Variants in HLCS observed in about 807,000 individuals in gnomAD.
HLCS encodes the protein holocarboxylase synthetase.
HLCS carries 53 observed loss-of-function variants against 75.0 expected under a neutral mutation model. The ratio of observed to expected loss-of-function variants is 0.71; its 90% confidence interval spans 0.57 to 0.89. The LOEUF is 0.89. HLCS is among the 40% of genes least tolerant of loss of function. The pLI is 0.00. For missense variants in HLCS, 966 were observed against 1,074.0 expected (o/e 0.90, Z 1.41); for synonymous variants, 431 against 428.6 (o/e 1.01, Z -0.07).
At chr21:36,833,514 G>A (rs1310353245) in intron 6 of HLCS, among the ~76,000 whole-genome samples, 1 of 151,278 alleles carries the variant, frequency 6.6e-6, no homozygotes, top group Non-Finnish European at 1.5e-5. Context: ...GAACCTGGGA[G>A]GTGGAGGTTG....
At chr21:36,756,280 T>C (rs749197530) in intron 10 of HLCS, among the ~76,000 whole-genome samples, 3 of 150,714 alleles carry the variant, frequency 2.0e-5, no homozygotes, top group Non-Finnish European at 4.4e-5. Context: ...CCACTAAAAA[T>C]ACAAAAAATT....
intron 6 of HLCS, among the ~76,000 whole-genome samples, chr21:36,853,982 T>G (rs980976164): frequency 2.0e-5 from 3 of 152,182 alleles, no homozygotes; most frequent in African/African-American, 7.2e-5. Context: ...ATTAGTATAT[T>G]GTTCTATGGG....
intron 6 of HLCS, among the ~76,000 whole-genome samples, chr21:36,822,402 C>T (rs2061873318): frequency 6.6e-6 from 1 of 151,884 alleles, no homozygotes; most frequent in Non-Finnish European, 1.5e-5. Flanking sequence ...AGTGACGGAG[C>T]CTGGGTGACG....
intron 6 of HLCS, among the ~76,000 whole-genome samples, chr21:36,770,827 GA>G (rs1256144207): frequency 4.0e-5 from 6 of 151,562 alleles, no homozygotes; most frequent in Non-Finnish European, 8.8e-5. Flanking sequence ...ATTTTTTTTG[GA>G]AAAAAGCATA....
chr21:36,846,263 A>C (rs1382985064), intron 6 of HLCS, among the ~76,000 whole-genome samples: 2 of 152,214 alleles, frequency 1.3e-5, no homozygotes, highest in Admixed American at 6.5e-5. Flanking sequence ...GTTGATACCT[A>C]GCGGCAGTCA....
At chr21:36,940,472 G>A (rs1348587059) in intron 2 of HLCS, among the ~76,000 whole-genome samples, 1 of 151,990 alleles carries the variant, frequency 6.6e-6, no homozygotes, top group Non-Finnish European at 1.5e-5. Context: ...CCACCACACT[G>A]GGCTTGAATT....
At chr21:36,894,031 G>A (rs2064905361) in intron 6 of HLCS, among the ~76,000 whole-genome samples, 1 of 152,182 alleles carries the variant, frequency 6.6e-6, no homozygotes, top group South Asian at 2.1e-4. Context: ...AGGAGGGCCT[G>A]GTGGGAGGTG....
At chr21:36,977,789 G>A (rs1236880502) in intron 1 of HLCS, among the ~76,000 whole-genome samples, 2 of 152,188 alleles carry the variant, frequency 1.3e-5, no homozygotes, top group Admixed American at 6.5e-5. Context: ...CTCCAATGCA[G>A]GAATAATAAT....
chr21:36,923,261 C>T (rs559114713), intron 5 of HLCS, among the ~76,000 whole-genome samples: 4 of 152,318 alleles, frequency 2.6e-5, no homozygotes, highest in East Asian at 1.9e-4. Context: ...AATCCATACC[C>T]GCTCACACAT....
intron 6 of HLCS, among the ~76,000 whole-genome samples, chr21:36,827,192 A>G (rs1345837574): frequency 6.6e-6 from 1 of 152,114 alleles, no homozygotes; most frequent in Non-Finnish European, 1.5e-5. Flanking sequence ...GTAAAAAAGG[A>G]TGAGGAGTGT....
intron 2 of HLCS, among the ~76,000 whole-genome samples, chr21:36,954,963 G>A (rs2067861097): frequency 6.6e-6 from 1 of 152,182 alleles, no homozygotes. Flanking sequence ...TTGGGAGGCT[G>A]AGGCAGGAGA....
intron 6 of HLCS, among the ~76,000 whole-genome samples, chr21:36,828,210 G>A (rs1453276369): frequency 2.6e-5 from 4 of 152,114 alleles, no homozygotes; most frequent in Admixed American, 1.3e-4. Context: ...CTGATTCAGC[G>A]GGTTCAGAAG....
At chr21:36,831,611 A>T (rs2062212815) in intron 6 of HLCS, among the ~76,000 whole-genome samples, 1 of 152,180 alleles carries the variant, frequency 6.6e-6, no homozygotes, top group Admixed American at 6.5e-5. Context: ...TGAACCTGGG[A>T]GGTGGAGGTT....
At chr21:36,760,493 C>T (rs911650684) in intron 8 of HLCS, among the ~76,000 whole-genome samples, 4 of 151,946 alleles carry the variant, frequency 2.6e-5, no homozygotes, top group African/African-American at 9.7e-5. Flanking sequence ...ATCTGTAATC[C>T]CAGCTACTTG....
intron 6 of HLCS, among the ~76,000 whole-genome samples, chr21:36,800,607 A>G (rs1029023221): frequency 2.0e-5 from 3 of 152,202 alleles, no homozygotes; most frequent in African/African-American, 7.2e-5. Context: ...TTCATAGGTT[A>G]AGGAAACTAA....
At chr21:36,781,854 A>C (rs1246334679) in intron 6 of HLCS, among the ~76,000 whole-genome samples, 1 of 152,194 alleles carries the variant, frequency 6.6e-6, no homozygotes, top group Non-Finnish European at 1.5e-5. Context: ...TAAATTATCC[A>C]CTAAGTCCTA....
At chr21:36,796,172 AC>A (rs2061018838) in intron 6 of HLCS, among the ~76,000 whole-genome samples, 1 of 152,218 alleles carries the variant, frequency 6.6e-6, no homozygotes, top group South Asian at 2.1e-4. Context: ...AACCCCAAAC[AC>A]TTAAACACAC....
chr21:36,793,072 C>G (rs922321129), intron 6 of HLCS, among the ~76,000 whole-genome samples: 3 of 152,172 alleles, frequency 2.0e-5, no homozygotes, highest in African/African-American at 7.2e-5. Context: ...ACTTGAACCC[C>G]TCATGCGCTT....
intron 2 of HLCS, among the ~76,000 whole-genome samples, chr21:36,954,103 C>T (rs531847602): frequency 1.3e-5 from 2 of 151,984 alleles, no homozygotes; most frequent in South Asian, 2.1e-4. Context: ...GTCAAGAGAT[C>T]GAGACCATCC....
Sources: gnomAD v4.1 joint callset for allele counts (sites outside exome capture counted in the v4.1 genomes callset) on GRCh38, gnomAD v4.1.1 for gene constraint, MANE v1.5 for transcripts, NCBI Gene and HGNC (gene_info 2026-07-23, HGNC 2026-07-21) for gene names.